Variants in ZDHHC14 observed in about 807,000 individuals in gnomAD.
ZDHHC14 encodes the protein palmitoyltransferase ZDHHC14.
Under a neutral mutation model 47.7 loss-of-function variants are expected in ZDHHC14, and 16 were observed. The ratio of observed to expected loss-of-function variants is 0.34; its 90% CI spans 0.23 to 0.51. The LOEUF (loss-of-function observed/expected upper bound fraction) is 0.51. ZDHHC14 is among the 20% of genes least tolerant of loss of function. The probability of loss-of-function intolerance (pLI) is 0.97; values close to 1 mark genes in which losing one functional copy is unlikely to be tolerated. For synonymous variants in ZDHHC14, 293 were observed against 278.9 expected (o/e 1.05, Z -0.50); for missense variants, 515 against 662.5 (o/e 0.78, Z 2.44).
At chr6:157,451,123 G>A (rs755616525) in intron 1 of ZDHHC14, among the ~76,000 whole-genome samples, 34 of 151,848 alleles carry the variant, frequency 2.2e-4, no homozygotes, top group Admixed American at 3.3e-4. Flanking sequence ...CATTTGCCAC[G>A]CTTATGATTT....
At chr6:157,456,723 G>T (rs1778925899) in intron 1 of ZDHHC14, among the ~76,000 whole-genome samples, 1 of 152,150 alleles carries the variant, frequency 6.6e-6, no homozygotes, top group South Asian at 2.1e-4. Flanking sequence ...ACCAAGGGAG[G>T]AGGAGATTGA....
intron 1 of ZDHHC14, among the ~76,000 whole-genome samples, chr6:157,440,000 G>A (rs777390707): frequency 5.9e-5 from 9 of 151,998 alleles, no homozygotes; most frequent in Non-Finnish European, 1.0e-4. Context: ...CACACCCTGG[G>A]GCCTCTTGGT....
At chr6:157,649,043 C>T (rs953308100) in intron 7 of ZDHHC14, among the ~76,000 whole-genome samples, 10 of 152,222 alleles carry the variant, frequency 6.6e-5, no homozygotes, top group Admixed American at 1.3e-4. Context: ...AAATTATTTC[C>T]ACCACTGGGT....
intron 3 of ZDHHC14, among the ~76,000 whole-genome samples, chr6:157,610,796 C>T (rs1291414561): frequency 6.6e-6 from 1 of 152,220 alleles, no homozygotes; most frequent in Admixed American, 6.5e-5. Context: ...GGCCAGCATT[C>T]TCTCACCAGG....
chr6:157,641,246 A>G (rs1266289370), intron 5 of ZDHHC14, among the ~76,000 whole-genome samples: 3 of 152,150 alleles, frequency 2.0e-5, no homozygotes, highest in African/African-American at 7.2e-5. Flanking sequence ...CTGTGTCTCT[A>G]GGGTTGACAA....
intron 1 of ZDHHC14, among the ~76,000 whole-genome samples, chr6:157,404,843 C>T (rs1777711573): frequency 6.6e-6 from 1 of 152,200 alleles, no homozygotes. Flanking sequence ...TATATTTCAG[C>T]TCTTCCTCAT....
rs1170819703 is a variant in ZDHHC14 at position 157,452,194 on chromosome 6, G to T, written c.245+69928G>T. Among the ~76,000 whole-genome samples the T allele has an allele frequency of 2.6e-5, 4 of 151,784 alleles. No homozygotes were observed. In the South Asian group the frequency reaches 6.3e-4, roughly 24 times the overall value. On this transcript the variant is annotated intron_variant, in intron 1 of 8. Transcript: ENST00000359775. Reference sequence around the variant, plus strand: ...ATAGTCTCTGACCTAAGTTTAACCGGTATTTCCTAACTACTTTCCACCTAC... The same window carrying T: ...ATAGTCTCTGACCTAAGTTTAACCGTTATTTCCTAACTACTTTCCACCTAC...
intron 7 of ZDHHC14, among the ~76,000 whole-genome samples, chr6:157,652,527 A>G (rs1005087404): frequency 2.0e-5 from 3 of 152,192 alleles, no homozygotes; most frequent in Non-Finnish European, 4.4e-5. Flanking sequence ...CTCAAGGTCA[A>G]TGCTGAGCCT....
rs938270283 is a variant in ZDHHC14 at position 157,502,483 on chromosome 6, C to T, written c.246-40102C>T. Among the ~76,000 whole-genome samples, 2 of 152,178 alleles carry T rather than the reference C, an allele frequency of 1.3e-5. No individual in the cohort carries two copies. Among genetic ancestry groups the T allele is most frequent in the African/African-American group, 4.8e-5 (2 of 41,444 alleles). On this transcript the variant is annotated intron_variant, in intron 1 of 8. Coordinates refer to ENST00000359775, the MANE Select transcript of ZDHHC14 (RefSeq NM_024630.3). The surrounding 1 kb of genome is among the most constrained non-coding windows in gnomAD (Gnocchi z 4.0). Reference sequence around the variant, plus strand: ...TCAAAACCTGCCTTGGAAAGAAAGTCCATGCTCAGCAACCCCAAATTTCTG... The same window carrying T: ...TCAAAACCTGCCTTGGAAAGAAAGTTCATGCTCAGCAACCCCAAATTTCTG...
chr6:157,506,584 A>C (rs1780330001), intron 1 of ZDHHC14, among the ~76,000 whole-genome samples: 1 of 148,100 alleles, frequency 6.8e-6, no homozygotes, highest in Non-Finnish European at 1.5e-5. Flanking sequence ...ACAATGGTAA[A>C]CTTAGCAATG....
intron 2 of ZDHHC14, among the ~76,000 whole-genome samples, chr6:157,555,069 G>T (rs1247884396): frequency 6.6e-6 from 1 of 152,174 alleles, no homozygotes; most frequent in Non-Finnish European, 1.5e-5. Flanking sequence ...GTTGCCCAGG[G>T]TTCTCTTCCA....
rs144950657 is a variant in ZDHHC14 at position 157,586,432 on chromosome 6, A to C, written c.407-6556A>C. ...AAGTAGAAAACAGCATTGCCCGCTC[A>C]GGGAAACCCAAGGAGGCCACCGTGT... is the stretch of plus-strand genomic sequence containing the variant. On this transcript the variant is annotated intron_variant, in intron 2 of 8. Transcript: ENST00000359775. This position sits in a 1 kb window ranked among gnomAD's most constrained non-coding sequence, Gnocchi z 4.6. Among the ~76,000 whole-genome samples, 345 of 152,356 alleles carry C rather than the reference A, an allele frequency of 2.3e-3. 2 individuals are homozygous for C. Among genetic ancestry groups the C allele is most frequent in the African/African-American group, 7.7e-3 (321 of 41,588 alleles).
chr6:157,470,486 A>C (rs1346449203), intron 1 of ZDHHC14, among the ~76,000 whole-genome samples: 1 of 152,242 alleles, frequency 6.6e-6, no homozygotes, highest in Non-Finnish European at 1.5e-5. Context: ...ATGATAGTAT[A>C]TGGATTGAAA....
At position 157,627,892 on chromosome 6, in the gene ZDHHC14, G is replaced by C. The variant is rs186691983; in HGVS notation, c.566-457G>C. 1.7e-4 allele frequency among the ~76,000 whole-genome samples: 26 copies of C among 152,316 alleles called. No individual in the cohort carries two copies. In the East Asian group the frequency reaches 4.2e-3, roughly 25 times the overall value. Reference sequence around the variant, plus strand: ...AGGATTGTCCCTCTGTCCTGTCCCAGGCCCCTTGTGGCCTCTCTCTATGGC... The same window carrying C: ...AGGATTGTCCCTCTGTCCTGTCCCACGCCCCTTGTGGCCTCTCTCTATGGC... On this transcript the variant is annotated intron_variant, in intron 3 of 8. Transcript: ENST00000359775.
chr6:157,649,919 C>T lies in ZDHHC14; in HGVS notation c.965+2551C>T, dbSNP rs577331477. Reference sequence around the variant, plus strand: ...GTGGCCACCATTGACTGCCCATGTGCGGTGGAGCCAGTTCCGTGCCAGGCG... The same window carrying T: ...GTGGCCACCATTGACTGCCCATGTGTGGTGGAGCCAGTTCCGTGCCAGGCG... On this transcript the variant is annotated intron_variant, in intron 7 of 8. Coordinates refer to ENST00000359775, the MANE Select transcript of ZDHHC14 (RefSeq NM_024630.3). Among the ~76,000 whole-genome samples the T allele has an allele frequency of 2.2e-4, 34 of 152,044 alleles. 1 individual carries two copies. Among genetic ancestry groups the T allele is most frequent in the South Asian group, 8.3e-4 (4 of 4,816 alleles).
At chr6:157,647,218 G>A (rs1220104791) in intron 6 of ZDHHC14, 41 bp from the exon 7 acceptor site, 3 of 1,425,328 alleles carry the variant, frequency 2.1e-6, no homozygotes. Context: ...GTGCGTTGGT[G>A]TGGAAGATAT....
Position 157,652,296 on chromosome 6 carries a change from G to A in ZDHHC14, c.966-1229G>A, listed in dbSNP as rs146639791. On this transcript the variant is annotated intron_variant, in intron 7 of 8. Coordinates refer to ENST00000359775, the MANE Select transcript of ZDHHC14 (RefSeq NM_024630.3). ...CTCCTGTGTTCCACAGGACTGACAC[G>A]TAGGAGGCCCTGCTTTCTGAGAAAA... 5.3e-3 allele frequency among the ~76,000 whole-genome samples: 802 copies of A among 152,292 alleles called. 3 individuals carry two copies. The highest frequency in any genetic ancestry group is 8.1e-3 in the Non-Finnish European group (551 of 68,010).
intron 1 of ZDHHC14, among the ~76,000 whole-genome samples, chr6:157,448,381 A>G (rs924028193): frequency 1.2e-4 from 19 of 152,176 alleles, no homozygotes; most frequent in African/African-American, 4.6e-4. Flanking sequence ...ATATCTATAA[A>G]TGTCTAGGTT....
intron 3 of ZDHHC14, among the ~76,000 whole-genome samples, chr6:157,621,260 G>A (rs1785175756): frequency 1.3e-5 from 2 of 152,082 alleles, no homozygotes; most frequent in African/African-American, 2.4e-5. Context: ...GATACAATAT[G>A]TACCACTGGA....
Sources: allele counts gnomAD v4.1 joint callset (sites outside exome capture counted in the v4.1 genomes callset), GRCh38; gene constraint gnomAD v4.1.1; non-coding constraint Gnocchi (gnomAD v3.1); transcripts MANE v1.5; gene names NCBI Gene and HGNC (gene_info 2026-07-23, HGNC 2026-07-21).